Variants in TAS2R1 observed in about 807,000 individuals in gnomAD.
TAS2R1 encodes taste 2 receptor member 1.
For missense variants in TAS2R1, 370 were observed against 353.4 expected, an observed-to-expected ratio of 1.05 and a Z score of -0.38; for synonymous variants, 141 against 134.2, an observed-to-expected ratio of 1.05 and a Z score of -0.35.
At chr5:9,637,654 T>G (rs1179679595) in intron 2 of TAS2R1, among the ~76,000 whole-genome samples, 1 of 152,156 alleles carries the variant, frequency 6.6e-6, no homozygotes, top group African/African-American at 2.4e-5. Context: ...CTTTTTCTGA[T>G]TGAATTAATT....
chr5:9,701,635 C>T (rs1295419684), intron 1 of TAS2R1, among the ~76,000 whole-genome samples: 1 of 152,202 alleles, frequency 6.6e-6, no homozygotes, highest in Admixed American at 6.5e-5. Flanking sequence ...TAGACAAATA[C>T]TAATTTTAAA....
chr5:9,750,330 T>C, the TAS2R1 span, among the ~76,000 whole-genome samples: 1 of 152,170 alleles, frequency 6.6e-6, no homozygotes, highest in Non-Finnish European at 1.5e-5. Flanking sequence ...CCTGCTGCTT[T>C]CTTAAAACAT....
chr5:9,773,501 C>T, the TAS2R1 span, among the ~76,000 whole-genome samples: 1 of 152,124 alleles, frequency 6.6e-6, no homozygotes, highest in Non-Finnish European at 1.5e-5. Context: ...TGTGTATTTA[C>T]TAATAGCAGT....
At chr5:9,654,672 A>C (rs1740373727) in intron 2 of TAS2R1, among the ~76,000 whole-genome samples, 1 of 152,244 alleles carries the variant, frequency 6.6e-6, no homozygotes, top group South Asian at 2.1e-4. Context: ...TATTATATGA[A>C]CAAGTGGTTA....
chr5:9,893,648 CCTT>C, the TAS2R1 span, among the ~76,000 whole-genome samples: 1 of 152,162 alleles, frequency 6.6e-6, no homozygotes, highest in Non-Finnish European at 1.5e-5. Flanking sequence ...AACGTAATCT[CCTT>C]CTACTTCAGT....
chr5:9,724,102 GAACAGTCTTCAATTCCTGAGA>G, the TAS2R1 span, among the ~76,000 whole-genome samples: 1 of 152,192 alleles, frequency 6.6e-6, no homozygotes, highest in Non-Finnish European at 1.5e-5. Context: ...GTGTCAGGAA[GAACAGTCTTCAATTCCTGAGA>G]AACTGACCAG....
the TAS2R1 span, among the ~76,000 whole-genome samples, chr5:9,864,130 C>A: frequency 5.3e-4 from 80 of 152,312 alleles, 2 homozygotes; most frequent in South Asian, 0.016. Flanking sequence ...CTGTCCTGCT[C>A]TGCTTTCCTC....
chr5:9,671,388 A>G (rs1309836494), intron 1 of TAS2R1, among the ~76,000 whole-genome samples: 1 of 152,194 alleles, frequency 6.6e-6, no homozygotes, highest in Non-Finnish European at 1.5e-5. Context: ...ACACCTAGAA[A>G]ATCCCATAGT....
At chr5:9,844,245 T>G in the TAS2R1 span, among the ~76,000 whole-genome samples, 1 of 152,202 alleles carries the variant, frequency 6.6e-6, no homozygotes, top group Non-Finnish European at 1.5e-5. Flanking sequence ...TCTTCCCAGA[T>G]TAAAACCCTT....
upstream of TAS2R1, among the ~76,000 whole-genome samples, chr5:9,716,545 T>TTATATATA (rs5865851): frequency 1.4e-3 from 215 of 148,512 alleles, 1 homozygote; most frequent in African/African-American, 5.0e-3. Context: ...AGTACATATA[T>TTATATATA]TATATATATA....
chr5:9,777,343 A>G, the TAS2R1 span, among the ~76,000 whole-genome samples: 3 of 152,250 alleles, frequency 2.0e-5, no homozygotes, highest in Non-Finnish European at 2.9e-5. Flanking sequence ...AATAATAGTC[A>G]CAGCATCTTT....
chr5:9,735,450 C>T, the TAS2R1 span, among the ~76,000 whole-genome samples: 6 of 151,608 alleles, frequency 4.0e-5, no homozygotes, highest in East Asian at 1.9e-4. Context: ...AAAAAGCTCA[C>T]GATGCTTTGT....
the TAS2R1 span, among the ~76,000 whole-genome samples, chr5:9,879,495 G>A: frequency 6.6e-5 from 10 of 152,206 alleles, no homozygotes; most frequent in African/African-American, 2.2e-4. Context: ...ATACTTCTCC[G>A]GACATCTAGC....
chr5:9,823,790 C>T, the TAS2R1 span, among the ~76,000 whole-genome samples: 1 of 152,110 alleles, frequency 6.6e-6, no homozygotes. Flanking sequence ...ACAGTTTCAA[C>T]CCAACTGAAA....
At chr5:9,897,566 C>G in the TAS2R1 span, among the ~76,000 whole-genome samples, 1 of 152,240 alleles carries the variant, frequency 6.6e-6, no homozygotes, top group East Asian at 1.9e-4. Context: ...ATACCCAGAA[C>G]TTAGGCACTG....
the TAS2R1 span, among the ~76,000 whole-genome samples, chr5:9,898,500 C>G: frequency 4.5e-4 from 69 of 152,310 alleles, no homozygotes; most frequent in African/African-American, 1.5e-3. Flanking sequence ...TGAGGCCTCT[C>G]GCACATGGCT....
intron 1 of TAS2R1, among the ~76,000 whole-genome samples, chr5:9,702,390 T>C (rs1027172562): frequency 2.6e-5 from 4 of 152,224 alleles, no homozygotes; most frequent in Admixed American, 6.5e-5. Context: ...AACTGGCATC[T>C]AGGTAAAGAC....
At chr5:9,890,883 A>T in the TAS2R1 span, among the ~76,000 whole-genome samples, 6 of 152,194 alleles carry the variant, frequency 3.9e-5, no homozygotes, top group Admixed American at 3.9e-4. Flanking sequence ...ATCAAAGTGG[A>T]TTACTGGAGG....
chr5:9,837,546 G>A, the TAS2R1 span, among the ~76,000 whole-genome samples: 3 of 152,184 alleles, frequency 2.0e-5, no homozygotes, highest in East Asian at 1.9e-4. Flanking sequence ...AGAATGGAGC[G>A]ATGGCCCCTC....
Sources: allele counts gnomAD v4.1 joint callset (sites outside exome capture counted in the v4.1 genomes callset), GRCh38; gene constraint gnomAD v4.1.1; transcripts MANE v1.5; gene names NCBI Gene and HGNC (gene_info 2026-07-23, HGNC 2026-07-21).